The following DIP2B variants were observed in gnomAD, a reference collection of about 807,000 sequenced individuals.
DIP2B encodes DIP2 acetate--CoA ligase B (putative).
Under a neutral mutation model 198.0 loss-of-function variants are expected in DIP2B, and 76 were observed. The ratio of observed to expected loss-of-function variants is 0.38; its 90% confidence interval spans 0.32 to 0.46. DIP2B has a LOEUF of 0.46. Ranked by LOEUF, DIP2B falls within the 20% of genes least tolerant of loss-of-function variation. DIP2B has a pLI of 0.99. For synonymous variants in DIP2B, 701 were observed against 739.1 expected, an observed-to-expected ratio of 0.95 and a Z score of 0.84; for missense variants, 1,559 against 1,978.4, an observed-to-expected ratio of 0.79 and a Z score of 4.02.
intron 4 of DIP2B, among the ~76,000 whole-genome samples, chr12:50,667,529 A>G (rs567506255): frequency 3.9e-5 from 6 of 152,324 alleles, no homozygotes; most frequent in Non-Finnish European, 7.3e-5. Context: ...TTAAAAAGAT[A>G]CAATCCCAGA....
rs569431012 is a variant in DIP2B at position 50,625,870 on chromosome 12, C to A, written c.101-106C>A. 1.1e-5 allele frequency: 13 copies of A among 1,179,114 alleles called. No individual in the cohort carries two copies. In the Admixed American group the frequency reaches 2.2e-4, roughly 20 times the overall value. The allele number at this position is 1,179,114 out of a possible 1,614,324, so 73.0% of individuals were successfully genotyped here. A position where few individuals can be genotyped will look rare whatever the true frequency, so the allele number is the denominator to read the frequency against. ...TACATTCCCCCCCCCAACCCCCTGC[C>A]TCTATATGGGGTAGTTCTATAACTC... On this transcript the variant is annotated intron_variant, in intron 1 of 37. Coordinates refer to ENST00000301180, the MANE Select transcript of DIP2B (RefSeq NM_173602.3).
At chr12:50,681,443 C>A (rs61369610) in intron 9 of DIP2B, among the ~76,000 whole-genome samples, 15,278 of 149,586 alleles carry the variant, frequency 0.1, 1,192 homozygotes, top group African/African-American at 0.21. Context: ...ACAACAACAA[C>A]AAAAAAAAAG....
intron 1 of DIP2B, among the ~76,000 whole-genome samples, chr12:50,529,290 TCAAA>T (rs1958195210): frequency 1.3e-5 from 2 of 152,150 alleles, no homozygotes; most frequent in South Asian, 2.1e-4. Context: ...AGACCCTGTC[TCAAA>T]CAAACAAACA....
At chr12:50,583,250 T>C (rs1958741214) in intron 1 of DIP2B, among the ~76,000 whole-genome samples, 1 of 152,114 alleles carries the variant, frequency 6.6e-6, no homozygotes, top group Admixed American at 6.6e-5. Context: ...TCTGATAAAA[T>C]AGAAATCTTT....
At position 50,526,001 on chromosome 12, in the gene DIP2B, T is replaced by C. The variant is rs1958161069; in HGVS notation, c.100+20761T>C. 2.0e-5 allele frequency among the ~76,000 whole-genome samples: 3 copies of C among 152,242 alleles called. No individual in the cohort carries two copies. The South Asian group carries it at 6.2e-4, about 31-fold the overall frequency. ...TAAAATTTTCTAATTAATACCAACA[T>C]TTGAAATGATCTTGTTCATATATTA... On this transcript the variant is annotated intron_variant, in intron 1 of 37. Coordinates refer to ENST00000301180, the MANE Select transcript of DIP2B (RefSeq NM_173602.3).
Position 50,721,383 on chromosome 12 carries a change from G to A in DIP2B, c.3153G>A (p.Leu1051=), listed in dbSNP as rs1350914782. 4 of 1,613,940 alleles carry A rather than the reference G, an allele frequency of 2.5e-6. No homozygotes were observed. The highest frequency in any genetic ancestry group is 1.3e-5 in the African/African-American group (1 of 74,920). ...TAAATGCAGGAGATAATGTGGTGTTGCTCTATCCACCTGGTAAGCATTGGA... is the reference window on the plus strand; with the variant it reads ...TAAATGCAGGAGATAATGTGGTGTTACTCTATCCACCTGGTAAGCATTGGA... The part of the protein sequence containing the change: ...GHLNAGDNVV[L]LYPPGIELIA... The change falls in exon 26 of 38, where the codon TTG becomes TTA. Residue 1051 remains leucine, a synonymous_variant. Coordinates refer to ENST00000301180, the MANE Select transcript of DIP2B (RefSeq NM_173602.3).
chr12:50,629,947 ATTT>A (rs544878687), intron 2 of DIP2B, among the ~76,000 whole-genome samples: 3 of 127,186 alleles, frequency 2.4e-5, no homozygotes, highest in Admixed American at 1.6e-4. Flanking sequence ...GGTAAATTTA[ATTT>A]TTTTTTTTTT....
At chr12:50,708,595 C>T (rs1221995937) in intron 22 of DIP2B, 33 bp downstream of exon 22, 9 of 1,529,962 alleles carry the variant, frequency 5.9e-6, no homozygotes, top group African/African-American at 4.1e-5. Flanking sequence ...GTCAGGTCAG[C>T]GGTGGCAGCA....
At chr12:50,736,320 A>G (rs1311362114) in intron 34 of DIP2B, among the ~76,000 whole-genome samples, 1 of 152,212 alleles carries the variant, frequency 6.6e-6, no homozygotes, top group East Asian at 1.9e-4. Flanking sequence ...GAACCGTCTC[A>G]TCTCTTCCTT....
chr12:50,671,490 A>C (rs1034111874), intron 5 of DIP2B, 92 bp downstream of exon 5: 20 of 1,253,754 alleles, frequency 1.6e-5, no homozygotes, highest in Non-Finnish European at 2.2e-5. Context: ...TAGGTTTTTC[A>C]GTATGGCCTA....
Position 50,623,869 on chromosome 12 carries a change from G to A in DIP2B, c.101-2107G>A, listed in dbSNP as rs375223352. Among the ~76,000 whole-genome samples the A allele has an allele frequency of 2.0e-5, 3 of 152,186 alleles. No individual in the cohort carries two copies. The East Asian group carries it at 5.8e-4, about 29-fold the overall frequency. ...CATCCCTGACCTCTATCCCCTAGAT[G>A]CCAGTAGCACCTCTTCTTCCATGGT... On this transcript the variant is annotated intron_variant, in intron 1 of 37. Transcript: ENST00000301180.
At chr12:50,738,861 C>T (rs1940185084) in intron 35 of DIP2B, among the ~76,000 whole-genome samples, 1 of 152,206 alleles carries the variant, frequency 6.6e-6, no homozygotes, top group African/African-American at 2.4e-5. Context: ...AATGTATTAA[C>T]ACCTGCATCT....
chr12:50,707,021 T>C (rs543758703), intron 21 of DIP2B, among the ~76,000 whole-genome samples: 56 of 152,380 alleles, frequency 3.7e-4, no homozygotes, highest in African/African-American at 1.3e-3. Flanking sequence ...CTAACTGATA[T>C]AGATGCTACT....
intron 2 of DIP2B, among the ~76,000 whole-genome samples, chr12:50,627,389 A>G (rs956732074): frequency 2.6e-5 from 4 of 152,110 alleles, no homozygotes; most frequent in African/African-American, 9.7e-5. Context: ...GCGGGAGCGC[A>G]GTGGTGCGAT....
intron 14 of DIP2B, among the ~76,000 whole-genome samples, chr12:50,694,703 A>C (rs182018192): frequency 2.0e-4 from 29 of 147,522 alleles, no homozygotes; most frequent in Admixed American, 1.8e-3. Flanking sequence ...GCAGTACTAC[A>C]TGTCCATATA....
Position 50,606,805 on chromosome 12 carries a change from GT to G in DIP2B, c.101-19158del, listed in dbSNP as rs766361752. 2.4e-3 allele frequency among the ~76,000 whole-genome samples: 336 copies of G among 140,956 alleles called. 2 individuals are homozygous for G. The highest frequency in any genetic ancestry group is 5.0e-3 in the South Asian group (22 of 4,394). The allele number at this position is 140,956 out of a possible 152,430, so 92.5% of individuals were successfully genotyped here. On this transcript the variant is annotated intron_variant, in intron 1 of 37. Transcript: ENST00000301180. ...ACCACAATGCCTGGCTTCTTTTTCTGTTTTTTTTTTTTTCCTCTTGAGACAA... is the reference window on the plus strand; with the variant it reads ...ACCACAATGCCTGGCTTCTTTTTCTGTTTTTTTTTTTTCCTCTTGAGACAA...
intron 1 of DIP2B, among the ~76,000 whole-genome samples, chr12:50,610,069 A>G (rs1348399006): frequency 6.6e-6 from 1 of 152,220 alleles, no homozygotes; most frequent in East Asian, 1.9e-4. Context: ...AATATAAATG[A>G]CCAAACCCAA....
chr12:50,664,836 G>GTTTTTTTTTTTTTTTTTTTTTTTT (rs1159665939), intron 4 of DIP2B, among the ~76,000 whole-genome samples: 1 of 15,926 alleles, frequency 6.3e-5, no homozygotes, highest in African/African-American at 1.4e-4. Flanking sequence ...TTTGGTTTTT[G>GTTTTTTTTTTTTTTTTTTTTTTTT]TTTTTTTTTT....
chr12:50,688,872 G>A (rs1450809318), intron 12 of DIP2B, among the ~76,000 whole-genome samples: 4 of 152,088 alleles, frequency 2.6e-5, no homozygotes, highest in Non-Finnish European at 5.9e-5. Flanking sequence ...CCATTGTGTG[G>A]CTCTTGCTTA....
Sources: gnomAD v4.1 joint callset for allele counts (sites outside exome capture counted in the v4.1 genomes callset) on GRCh38, gnomAD v4.1.1 for gene constraint, MANE v1.5 for transcripts, NCBI Gene and HGNC (gene_info 2026-07-23, HGNC 2026-07-21) for gene names.